Variants in R3HDML observed in about 807,000 individuals in gnomAD.
R3HDML encodes peptidase inhibitor R3HDML.
R3HDML carries 21 observed loss-of-function variants against 24.2 expected under a neutral mutation model. That is an observed-to-expected ratio of 0.87 (90% CI 0.62 to 1.25). The LOEUF is 1.25. R3HDML is among the 50% of genes most tolerant of loss of function. R3HDML has a pLI of 0.00. For missense variants in R3HDML, 301 were observed against 340.3 expected, an observed-to-expected ratio of 0.88 and a Z score of 0.91; for synonymous variants, 133 against 131.5, an observed-to-expected ratio of 1.01 and a Z score of -0.08.
At chr20:44,345,729 G>C (rs1007692367) in intron 4 of R3HDML, among the ~76,000 whole-genome samples, 13 of 152,068 alleles carry the variant, frequency 8.5e-5, no homozygotes, top group African/African-American at 3.1e-4. Context: ...TTGAGCCCAG[G>C]AGGTTGAGGC....
chr20:44,347,577 A>T (rs1600602709), intron 4 of R3HDML: 1 of 152,144 alleles, frequency 6.6e-6, no homozygotes, highest in Non-Finnish European at 1.5e-5. Flanking sequence ...GCCTTTAATC[A>T]TTTACAAACT....
chr20:44,340,117 G>A (rs997290392), intron 1 of R3HDML, among the ~76,000 whole-genome samples: 3 of 151,880 alleles, frequency 2.0e-5, no homozygotes, highest in Non-Finnish European at 4.4e-5. Flanking sequence ...ACCACACCCG[G>A]CTAATTTTTA....
chr20:44,337,100 C>T lies in R3HDML; in HGVS notation c.-58C>T. The stretch of plus-strand genomic sequence containing the variant: ...AGGGTCTGGTGCTCTCGTGCCTGCC[C>T]CTTCCAGGCAGCCGGCTCTGATTGC... On this transcript the variant is annotated 5_prime_UTR_variant, in exon 1 of 5. Coordinates refer to ENST00000217043, the MANE Select transcript of R3HDML (RefSeq NM_178491.4). This position sits in a 1 kb window ranked among gnomAD's most constrained non-coding sequence, Gnocchi z 4.7. 1 of 1,559,706 alleles carries T rather than the reference C, an allele frequency of 6.4e-7. No homozygotes were observed. The highest frequency in any genetic ancestry group is 8.7e-7 in the Non-Finnish European group (1 of 1,149,782).
Position 44,341,226 on chromosome 20 carries a change from G to T in R3HDML, c.292G>T (p.Glu98Ter). Residue 98 changes from glutamate to a stop codon, truncating the protein, a stop_gained, in exon 2 of 5, where the codon GAA (glutamate) becomes TAA (stop). Coordinates refer to ENST00000217043, the MANE Select transcript of R3HDML (RefSeq NM_178491.4). LOFTEE classifies it high-confidence loss of function. ...VWDKRLARAA[E>*]AWATQCIWAH... ...GGACAAGCGGCTGGCCAGGGCTGCC[G>T]AAGCCTGGGCCACCCAGTGCATCTG... The T allele has an allele frequency of 6.2e-7, 1 of 1,613,850 alleles. No homozygotes were observed. The highest frequency in any genetic ancestry group is 8.5e-7 in the Non-Finnish European group (1 of 1,179,768).
Position 44,337,395 on chromosome 20 carries a change from C to T in R3HDML, c.238C>T (p.Pro80Ser). ...HNHIRASVYPPAANMEYMVWD... is the reference protein window; with the variant it reads ...HNHIRASVYPSAANMEYMVWD... ...CCACATCCGGGCCAGTGTGTACCCA[C>T]CTGCCGCCAACATGGAATACATGGT... The change falls in exon 1 of 5, where the codon CCT becomes TCT. Residue 80 changes from proline (P) to serine (S), a missense_variant. Coordinates refer to ENST00000217043, the MANE Select transcript of R3HDML (RefSeq NM_178491.4). This position sits in a 1 kb window ranked among gnomAD's most constrained non-coding sequence, Gnocchi z 4.7. 2 of 1,613,656 alleles carry T rather than the reference C, an allele frequency of 1.2e-6. No homozygotes were observed. Among genetic ancestry groups the T allele is most frequent in the South Asian group, 1.1e-5 (1 of 91,082 alleles).
chr20:44,343,599 A>G (rs1204462827), intron 3 of R3HDML, 90 bp downstream of exon 3: 47 of 1,335,938 alleles, frequency 3.5e-5, no homozygotes, highest in Non-Finnish European at 4.5e-5. Context: ...ATAAGAATGC[A>G]AACAAAGACC....
At chr20:44,347,221 C>CT (rs71337870) in intron 4 of R3HDML, among the ~76,000 whole-genome samples, 27,416 of 144,976 alleles carry the variant, frequency 0.19, 3,308 homozygotes, top group East Asian at 0.47. Context: ...TTTCTTTTTT[C>CT]TTTTTTTTTT....
In R3HDML at chr20:44,345,308, T is replaced by G; in HGVS notation, c.559T>G (p.Cys187Gly). Reference protein sequence around the residue: ...SNRLGCAIHTCSSISVWGNTW... With the variant: ...SNRLGCAIHTGSSISVWGNTW... ...TCGGCTGGGCTGTGCCATCCACACC[T>G]GTAGTAGCATCAGTGTCTGGGGCAA... The change falls in exon 4 of 5, where the codon TGT becomes GGT. Residue 187 changes from cysteine to glycine, a missense_variant. By Grantham distance (159) the Cys-to-Gly change is radical. Coordinates refer to ENST00000217043, the MANE Select transcript of R3HDML (RefSeq NM_178491.4). 1 of 1,614,144 alleles carries G rather than the reference T, an allele frequency of 6.2e-7. No individual in the cohort carries two copies. Among genetic ancestry groups the G allele is most frequent in the Non-Finnish European group, 8.5e-7 (1 of 1,180,014 alleles).
intron 1 of R3HDML, among the ~76,000 whole-genome samples, chr20:44,338,810 G>C (rs545283099): frequency 6.6e-6 from 1 of 152,278 alleles, no homozygotes; most frequent in South Asian, 2.1e-4. Flanking sequence ...AGTGGCTCAC[G>C]CCAGTAATCC....
In R3HDML at chr20:44,350,822, C is replaced by G; in HGVS notation, c.*30C>G. 6.2e-7 allele frequency: 1 copy of G among 1,612,862 alleles called. No homozygotes were observed. The highest frequency in any genetic ancestry group is 8.5e-7 in the Non-Finnish European group (1 of 1,179,438). On this transcript the variant is annotated 3_prime_UTR_variant, in exon 5 of 5. Transcript: ENST00000217043. Reference sequence around the variant, plus strand: ...TCTCTGGGCTTTGGTGCGCCTCCAGCTGGGCCTGACCCTCCATGTCCTGCC... The same window carrying G: ...TCTCTGGGCTTTGGTGCGCCTCCAGGTGGGCCTGACCCTCCATGTCCTGCC...
intron 4 of R3HDML, chr20:44,347,480 A>G (rs577026548): frequency 6.6e-6 from 1 of 152,240 alleles, no homozygotes; most frequent in South Asian, 2.1e-4. Flanking sequence ...TGGACTCCCA[A>G]AGTGCTGGGA....
chr20:44,341,156 G>T (rs771184911), intron 1 of R3HDML, 40 bp from the exon 2 acceptor site: 2 of 1,523,020 alleles, frequency 1.3e-6, no homozygotes, highest in South Asian at 1.1e-5. Context: ...GACGATGGTG[G>T]CAATTCCCCT....
At chr20:44,340,151 C>T (rs1350072936) in intron 1 of R3HDML, among the ~76,000 whole-genome samples, 1 of 152,018 alleles carries the variant, frequency 6.6e-6, no homozygotes, top group Admixed American at 6.6e-5. Flanking sequence ...GACAGGGTTT[C>T]ACCATGTTGG....
At chr20:44,343,326 C>A in intron 2 of R3HDML, 51 bp from the exon 3 acceptor site, 1 of 1,595,352 alleles carries the variant, frequency 6.3e-7, no homozygotes, top group African/African-American at 1.4e-5. Context: ...GGCGGCCGAG[C>A]CACTTTTCCA....
At chr20:44,344,222 A>G (rs1408055293) in intron 3 of R3HDML, among the ~76,000 whole-genome samples, 1 of 151,802 alleles carries the variant, frequency 6.6e-6, no homozygotes, top group Non-Finnish European at 1.5e-5. Flanking sequence ...CAGATGTTGC[A>G]GTGAGCCGAG....
intron 4 of R3HDML, 97 bp downstream of exon 4, chr20:44,345,475 A>G: frequency 2.4e-6 from 2 of 828,416 alleles, no homozygotes; most frequent in South Asian, 3.3e-5. Context: ...CTTCATTCTA[A>G]GTGCCCTCAA....
chr20:44,343,860 G>C (rs1218239966), intron 3 of R3HDML, among the ~76,000 whole-genome samples: 1 of 152,102 alleles, frequency 6.6e-6, no homozygotes, highest in African/African-American at 2.4e-5. Context: ...GAAAATGACT[G>C]GGTGCAGTGG....
rs1268526356 is a variant in R3HDML, at chr20:44,345,302, C to T, written c.553C>T (p.His185Tyr). ...ASSNRLGCAIHTCSSISVWGN... is the reference protein window; with the variant it reads ...ASSNRLGCAIYTCSSISVWGN... The stretch of plus-strand genomic sequence containing the variant: ...CTCCAATCGGCTGGGCTGTGCCATC[C>T]ACACCTGTAGTAGCATCAGTGTCTG... The change falls in exon 4 of 5, where the codon CAC becomes TAC. Residue 185 changes from histidine (H) to tyrosine (Y), a missense_variant. Transcript: ENST00000217043. 3 of 1,614,160 alleles carry T rather than the reference C, an allele frequency of 1.9e-6. No individual in the cohort carries two copies. The highest frequency in any genetic ancestry group is 2.5e-6 in the Non-Finnish European group (3 of 1,180,030).
intron 3 of R3HDML, among the ~76,000 whole-genome samples, chr20:44,344,280 C>CA (rs577772886): frequency 3.7e-3 from 427 of 114,476 alleles, no homozygotes; most frequent in Middle Eastern, 9.3e-3. Context: ...GACTCCGTCT[C>CA]AAAAAAAAAA....
Sources: gnomAD v4.1 joint callset for allele counts (sites outside exome capture counted in the v4.1 genomes callset) on GRCh38, gnomAD v4.1.1 for gene constraint, Gnocchi (gnomAD v3.1) non-coding constraint, MANE v1.5 for transcripts, NCBI Gene and HGNC (gene_info 2026-07-23, HGNC 2026-07-21) for gene names.